PDIA2: variants seen among roughly 807,000 people sequenced by gnomAD.
The protein encoded by PDIA2 is protein disulfide-isomerase A2.
PDIA2 carries 76 observed loss-of-function variants against 51.1 expected under a neutral mutation model. That is an observed-to-expected ratio of 1.49 (90% CI 1.24 to 1.80). The LOEUF (loss-of-function observed/expected upper bound fraction) is 1.80, where lower values mean the gene tolerates loss of function less well. Among genes scored for constraint, PDIA2 ranks in the 40% most tolerant of loss-of-function variants. The pLI, the probability that PDIA2 is intolerant of heterozygous loss-of-function variation, is 0.00. For missense variants in PDIA2, 946 were observed against 706.5 expected, an observed-to-expected ratio of 1.34 and a Z score of -3.84; for synonymous variants, 429 against 309.9, an observed-to-expected ratio of 1.38 and a Z score of -4.04.
rs201129086 is a variant in PDIA2 at position 284,532 on chromosome 16, G to T, written c.345G>T (p.Thr115=). The T allele has an allele frequency of 1.9e-6, 3 of 1,612,616 alleles. No individual in the cohort carries two copies. The highest frequency in any genetic ancestry group is 2.5e-6 in the Non-Finnish European group (3 of 1,179,690). Residue 115 remains threonine (T), a synonymous_variant, in exon 2 of 11, where the codon ACG becomes ACT. Transcript: ENST00000219406. ...AGCTGGCTGAGGAGTTTGGTGTGACGGAGTACCCTACGCTCAAGTTCTTCC... is the reference window on the plus strand; with the variant it reads ...AGCTGGCTGAGGAGTTTGGTGTGACTGAGTACCCTACGCTCAAGTTCTTCC... The part of the protein sequence containing the change: ...QRELAEEFGV[T]EYPTLKFFRN...
In PDIA2 at chr16:284,739, G is replaced by A. The variant is rs1384365120; in HGVS notation, c.487G>A (p.Ala163Thr). Residue 163 changes from alanine to threonine, a missense_variant, in exon 3 of 11, where the codon GCC becomes ACC. Physicochemically the swap from Ala to Thr is moderately conservative, Grantham distance 58. Transcript: ENST00000219406. ...PSAMRLEDEAAAQALIGGRDL... is the reference protein window; with the variant it reads ...PSAMRLEDEATAQALIGGRDL... Reference sequence around the variant, plus strand: ...TGCCATGCGGCTGGAGGACGAGGCGGCCGCCCAGGCGCTGATCGGTGGCCG... The same window carrying A: ...TGCCATGCGGCTGGAGGACGAGGCGACCGCCCAGGCGCTGATCGGTGGCCG... 1.3e-6 allele frequency: 2 copies of A among 1,561,612 alleles called. No homozygotes were observed. The highest frequency in any genetic ancestry group is 1.7e-6 in the Non-Finnish European group (2 of 1,159,438).
chr16:285,941 AACCC>A, intron 7 of PDIA2, among the ~76,000 whole-genome samples: 1 of 26,482 alleles, frequency 3.8e-5, no homozygotes, highest in South Asian at 2.2e-3. Context: ...CCCCAACCCC[AACCC>A]CAACCCCAAC....
At position 285,602 on chromosome 16, in the gene PDIA2, A is replaced by T. The variant is rs752996989; in HGVS notation, c.1018A>T (p.Asn340Tyr). The T allele has an allele frequency of 6.2e-7, 1 of 1,613,264 alleles. No individual in the cohort carries two copies. Among genetic ancestry groups the T allele is most frequent in the South Asian group, 1.1e-5 (1 of 91,070 alleles). The change falls in exon 7 of 11, where the codon AAC becomes TAC. Residue 340 changes from asparagine to tyrosine, a missense_variant. Transcript: ENST00000219406. ...GGCAGCCCCCACTCTGCGCTTGGTCAACCTTGAAACCACTAAGAAGTATGC... is the reference window on the plus strand; with the variant it reads ...GGCAGCCCCCACTCTGCGCTTGGTCTACCTTGAAACCACTAAGAAGTATGC... ...AEAAPTLRLV[N>Y]LETTKKYAPV...
In PDIA2 at chr16:283,388, GGGCTGGGGACC is replaced by G. The variant is rs778666679; in HGVS notation, c.199+24_199+34del. Reference sequence around the variant, plus strand: ...AATTCTGTGAGTGCTGGGGCCAGTGGGGCTGGGGACCGGCGGGGGACCGGCAGAGCCCACCT... The same window carrying G: ...AATTCTGTGAGTGCTGGGGCCAGTGGGGCGGGGGACCGGCAGAGCCCACCT... On this transcript the variant is annotated intron_variant, in intron 1 of 10. Coordinates refer to ENST00000219406, the MANE Select transcript of PDIA2 (RefSeq NM_006849.4). The G allele has an allele frequency of 1.1e-5, 17 of 1,558,928 alleles. No homozygotes were observed. Among genetic ancestry groups the G allele is most frequent in the Admixed American group, 7.6e-5 (4 of 52,312 alleles).
In PDIA2 at chr16:287,111, T is replaced by C; in HGVS notation, c.1576T>C (p.Ter526GlnextTer26). ...NSTMGSKEEL[*>Q] ...CACTATGGGGTCCAAGGAGGAACTG[T>C]AGCTGCCCCCGTGTCACCCCCGCCA... Residue 526 changes from the stop codon to glutamine (Q), a stop_lost, in exon 11 of 11, where the codon TAG (stop) becomes CAG (glutamine). Coordinates refer to ENST00000219406, the MANE Select transcript of PDIA2 (RefSeq NM_006849.4). 1 of 1,612,564 alleles carries C rather than the reference T, an allele frequency of 6.2e-7. No individual in the cohort carries two copies. The highest frequency in any genetic ancestry group is 8.5e-7 in the Non-Finnish European group (1 of 1,179,810).
chr16:285,152 C>T lies in PDIA2; in HGVS notation c.747C>T (p.Arg249=), dbSNP rs1397819086. The T allele has an allele frequency of 1.9e-6, 3 of 1,612,994 alleles. No individual in the cohort carries two copies. In the South Asian group the frequency reaches 3.3e-5, roughly 18 times the overall value. ...GCCTGGACCTGGGGGATCTGTCGCGCTTCCTGGTCACACACAGCATGCGCC... is the reference window on the plus strand; with the variant it reads ...GCCTGGACCTGGGGGATCTGTCGCGTTTCCTGGTCACACACAGCATGCGCC... ...ELGLDLGDLS[R]FLVTHSMRLV... Residue 249 remains arginine, a synonymous_variant, in exon 5 of 11, where the codon CGC becomes CGT. Transcript: ENST00000219406.
rs754052786 is a variant in PDIA2 at position 286,728 on chromosome 16, G to A, written c.1415G>A (p.Gly472Asp). The A allele has an allele frequency of 1.9e-5, 30 of 1,612,778 alleles. No individual in the cohort carries two copies. The highest frequency in any genetic ancestry group is 2.2e-5 in the Non-Finnish European group (26 of 1,179,978). Residue 472 changes from glycine (G) to aspartate (D), a missense_variant, in exon 9 of 11, where the codon GGT (glycine) becomes GAT (aspartate). By Grantham distance (94) the Gly-to-Asp change is moderately conservative (BLOSUM62 -1). Transcript: ENST00000219406. ...PTLKYFPAGP[G>D]RKVIEYKSTR... ...CTCAAGTACTTCCCAGCAGGGCCAG[G>A]TCGGAAGGTATGGCGGACAGGTGGC...
Position 286,883 on chromosome 16 carries a change from C to T in PDIA2, c.1471C>T (p.Leu491=). Residue 491 remains leucine, a synonymous_variant, in exon 10 of 11, where the codon CTG becomes TTG. Transcript: ENST00000219406. The stretch of plus-strand genomic sequence containing the variant: ...GGACCTGGAGACTTTCTCCAAGTTC[C>T]TGGACAACGGGGGCGTGCTGCCCAC... The part of the protein sequence containing the change: ...TRDLETFSKF[L]DNGGVLPTEE... The T allele has an allele frequency of 1.2e-6, 2 of 1,605,956 alleles. No individual in the cohort carries two copies. The highest frequency in any genetic ancestry group is 1.7e-6 in the Non-Finnish European group (2 of 1,177,596).
intron 1 of PDIA2, 75 bp downstream of exon 1, chr16:283,443 C>G: frequency 2.8e-6 from 4 of 1,438,054 alleles, no homozygotes; most frequent in Non-Finnish European, 3.7e-6. Flanking sequence ...CACCCTTTGC[C>G]GGCAAATGCA....
Position 284,467 on chromosome 16 carries a change from G to A in PDIA2, c.280G>A (p.Val94Met), listed in dbSNP as rs752347005. ...AAAVLAAESM[V>M]VTLAKVDGPA... is the part of the protein sequence containing the mutation. ...TGCCGTGCTCGCGGCCGAGTCAATG[G>A]TGGTCACGCTGGCCAAGGTGGATGG... The change falls in exon 2 of 11, where the codon GTG (valine) becomes ATG (methionine). Residue 94 changes from valine to methionine, a missense_variant. Physicochemically the swap from Val to Met is conservative, Grantham distance 21. Coordinates refer to ENST00000219406, the MANE Select transcript of PDIA2 (RefSeq NM_006849.4). 3 of 1,605,342 alleles carry A rather than the reference G, an allele frequency of 1.9e-6. No individual in the cohort carries two copies. The South Asian group carries it at 3.4e-5, about 18-fold the overall frequency.
intron 1 of PDIA2, among the ~76,000 whole-genome samples, chr16:283,612 G>T (rs78836959): frequency 1.3e-5 from 2 of 152,336 alleles, no homozygotes; most frequent in Admixed American, 1.3e-4. Flanking sequence ...CTCCCTGCTC[G>T]GCCAGCGGCC....
rs199805826 is a variant in PDIA2, at chr16:283,338, C to A, written c.169C>A (p.Arg57=). ...CCGCCACACCCTGGGCCTGGCCCTG[C>A]GGGAGCACCCTGCCCTGCTGGTGGA... ...LSRHTLGLAL[R]EHPALLVEFY... Residue 57 remains arginine (R), a synonymous_variant, in exon 1 of 11, where the codon CGG becomes AGG. Transcript: ENST00000219406. The A allele has an allele frequency of 2.4e-4, 393 of 1,607,044 alleles. No homozygotes were observed. The African/African-American group carries it at 4.6e-3, about 19-fold the overall frequency.
chr16:285,414 GC>G lies in PDIA2; in HGVS notation c.899del (p.Ala300GlufsTer78). 6.2e-7 allele frequency: 1 copy of G among 1,607,430 alleles called. No individual in the cohort carries two copies. Among genetic ancestry groups the G allele is most frequent in the African/African-American group, 1.3e-5 (1 of 74,658 alleles). On this transcript the variant is annotated frameshift_variant, in exon 6 of 11. Coordinates refer to ENST00000219406, the MANE Select transcript of PDIA2 (RefSeq NM_006849.4). LOFTEE classifies it high-confidence loss of function. ...GGAGCTCCTAGCGGGCTTTGGGGAGGCAGCTCCCCGCTTCCGGGGGCAGGTA... is the reference window on the plus strand; with the variant it reads ...GGAGCTCCTAGCGGGCTTTGGGGAGGAGCTCCCCGCTTCCGGGGGCAGGTA... ...HRELLAGFGE[A>X]APRFRGQVLF...
At chr16:286,509 G>C in intron 8 of PDIA2, 36 bp downstream of exon 8, 1 of 1,612,746 alleles carries the variant, frequency 6.2e-7, no homozygotes, top group South Asian at 1.1e-5. Flanking sequence ...GTGTGGGCTG[G>C]GCAGGGGCTG....
chr16:285,628 G>A lies in PDIA2; in HGVS notation c.1044G>A (p.Ala348=), dbSNP rs377300707. 6.0e-5 allele frequency: 97 copies of A among 1,613,264 alleles called. No homozygotes were observed. The highest frequency in any genetic ancestry group is 5.7e-4 in the Admixed American group (34 of 59,988). ...LVNLETTKKY[A]PVDGGPVTAA... ...ACCTTGAAACCACTAAGAAGTATGC[G>A]CCTGTGGATGGGGGCCCTGTCACCG... Residue 348 remains alanine, a synonymous_variant, in exon 7 of 11, where the codon GCG becomes GCA. Coordinates refer to ENST00000219406, the MANE Select transcript of PDIA2 (RefSeq NM_006849.4).
intron 1 of PDIA2, 136 bp from the exon 2 acceptor site, chr16:284,251 C>T (rs1020153561): frequency 1.6e-5 from 14 of 893,666 alleles, no homozygotes; most frequent in East Asian, 2.7e-5. Context: ...CGAAGAGGCA[C>T]TGGTGCTCGG....
rs1407926775 is a variant in PDIA2, at chr16:284,829, C to T, written c.540+37C>T. 5 of 1,601,628 alleles carry T rather than the reference C, an allele frequency of 3.1e-6. No individual in the cohort carries two copies. The African/African-American group carries it at 4.0e-5, about 13-fold the overall frequency. On this transcript the variant is annotated intron_variant, in intron 3 of 10. Transcript: ENST00000219406. Reference sequence around the variant, plus strand: ...GGCATGGGGGGCCGGGCCATGAGGGCAGTGACTGTGGGTGGGACCGGGTGG... The same window carrying T: ...GGCATGGGGGGCCGGGCCATGAGGGTAGTGACTGTGGGTGGGACCGGGTGG...
rs2052389720 is a variant in PDIA2 at position 286,826 on chromosome 16, T to C, written c.1423-9T>C. ...CACGTGTCCTCCAGATCCCCCTGCCTCTTCTCAGGTGATTGAATACAAAAG... is the reference window on the plus strand; with the variant it reads ...CACGTGTCCTCCAGATCCCCCTGCCCCTTCTCAGGTGATTGAATACAAAAG... On this transcript the variant is annotated splice_polypyrimidine_tract_variant and intron_variant, in intron 9 of 10. Coordinates refer to ENST00000219406, the MANE Select transcript of PDIA2 (RefSeq NM_006849.4). The C allele has an allele frequency of 1.9e-6, 3 of 1,611,124 alleles. No individual in the cohort carries two copies. The highest frequency in any genetic ancestry group is 1.7e-6 in the Non-Finnish European group (2 of 1,179,212).
In PDIA2 at chr16:286,596, G is replaced by A. The variant is rs746061835; in HGVS notation, c.1283G>A (p.Trp428Ter). 68 of 1,612,754 alleles carry A rather than the reference G, an allele frequency of 4.2e-5. 1 individual carries two copies. The highest frequency in any genetic ancestry group is 8.5e-7 in the Non-Finnish European group (1 of 1,179,978). The change falls in exon 9 of 11, where the codon TGG (tryptophan) becomes TAG (stop). Residue 428 changes from tryptophan (W) to a stop codon, truncating the protein, a stop_gained. Coordinates refer to ENST00000219406, the MANE Select transcript of PDIA2 (RefSeq NM_006849.4). LOFTEE classifies it high-confidence loss of function. Reference protein sequence around the residue: ...CTHCKEMAPAWEALAEKYQDH... With the variant: ...CTHCKEMAPA The stretch of plus-strand genomic sequence containing the variant: ...CACTGCAAGGAGATGGCCCCTGCCT[G>A]GGAGGCATTGGCTGAGAAGTACCAA...
Sources: gnomAD v4.1 joint callset for allele counts (sites outside exome capture counted in the v4.1 genomes callset) on GRCh38, gnomAD v4.1.1 for gene constraint, MANE v1.5 for transcripts, NCBI Gene and HGNC (gene_info 2026-07-23, HGNC 2026-07-21) for gene names.